Variants in GSS observed in about 807,000 individuals in gnomAD.
GSS encodes GSH synthetase.
A neutral mutation model predicts 60.4 loss-of-function variants in GSS; 34 were observed. The observed-to-expected ratio is 0.56, with a 90% CI of 0.43 to 0.75. The LOEUF (loss-of-function observed/expected upper bound fraction) is 0.75, where lower values mean the gene tolerates loss of function less well. GSS is among the 30% of genes least tolerant of loss of function. GSS has a pLI of 0.00. For synonymous variants in GSS, 224 were observed against 239.0 expected (o/e 0.94, Z 0.58); for missense variants, 499 against 595.1 (o/e 0.84, Z 1.68).
intron 6 of GSS, among the ~76,000 whole-genome samples, chr20:34,938,463 TGA>T (rs2081457871): frequency 6.6e-6 from 1 of 152,192 alleles, no homozygotes; most frequent in South Asian, 2.1e-4. Context: ...GTTGGGTGCC[TGA>T]GAGACAAACT....
intron 2 of GSS, among the ~76,000 whole-genome samples, chr20:34,948,815 T>C (rs951089821): frequency 6.6e-6 from 1 of 151,862 alleles, no homozygotes; most frequent in East Asian, 1.9e-4. Flanking sequence ...TTCTACTATT[T>C]AAAAAAACCT....
chr20:34,936,614 A>G, intron 8 of GSS, 149 bp downstream of exon 8: 1 of 797,600 alleles, frequency 1.3e-6, no homozygotes, highest in Non-Finnish European at 2.3e-6. Flanking sequence ...GCTTTCTCCA[A>G]AATTTCCTGG....
Position 34,942,599 on chromosome 20 carries a change from T to C in GSS, c.380A>G (p.Asp127Gly), listed in dbSNP as rs768129752. ...QTVFLGLNRS[D>G]YMFQRSADGS... Reference sequence around the variant, plus strand: ...ATCTGCGCTGCGCTGGAACATGTAGTCTGAGCGATTCAGGCCCAGGAACAC... The same window carrying C: ...ATCTGCGCTGCGCTGGAACATGTAGCCTGAGCGATTCAGGCCCAGGAACAC... Residue 127 changes from aspartate to glycine, a missense_variant, in exon 5 of 13, where the codon GAC becomes GGC. By Grantham distance (94) the Asp-to-Gly change is moderately conservative (BLOSUM62 -1). Transcript: ENST00000651619. 1 of 1,614,034 alleles carries C rather than the reference T, an allele frequency of 6.2e-7. No individual in the cohort carries two copies. Among genetic ancestry groups the C allele is most frequent in the Non-Finnish European group, 8.5e-7 (1 of 1,179,974 alleles).
chr20:34,939,417 A>C (rs981834801), intron 6 of GSS, among the ~76,000 whole-genome samples: 2 of 152,196 alleles, frequency 1.3e-5, no homozygotes, highest in African/African-American at 4.8e-5. Context: ...TTTAAAAATC[A>C]TGAGATAATT....
intron 1 of GSS, among the ~76,000 whole-genome samples, chr20:34,953,015 CA>C (rs1210185206): frequency 6.6e-6 from 1 of 152,152 alleles, no homozygotes; most frequent in Non-Finnish European, 1.5e-5. Context: ...ATCACATTAG[CA>C]AGATGGAAAT....
rs1436027622 is a variant in GSS, at chr20:34,932,854, T to C, written c.835-721A>G. ...TTTTTCCTATTTTTGTTTACTTTTT[T>C]TTTCTTTTGAGACGTGGGTCTTGCT... On this transcript the variant is annotated intron_variant, in intron 9 of 12. Transcript: ENST00000651619. 2.0e-5 allele frequency among the ~76,000 whole-genome samples: 3 copies of C among 152,148 alleles called. No homozygotes were observed. The East Asian group carries it at 5.8e-4, about 29-fold the overall frequency.
In GSS at chr20:34,946,053, T is replaced by C; in HGVS notation, c.175A>G (p.Ser59Gly). 1 of 1,613,770 alleles carries C rather than the reference T, an allele frequency of 6.2e-7. No homozygotes were observed. Among genetic ancestry groups the C allele is most frequent in the Non-Finnish European group, 8.5e-7 (1 of 1,179,704 alleles). ...GCATAGGCTTGCTCCAGCAGGGCAC[T>C]GGGGACCAGTGAGGGGAAGAGCGTG... ...PFTLFPSLVPSALLEQAYAVQ... is the reference protein window; with the variant it reads ...PFTLFPSLVPGALLEQAYAVQ... Residue 59 changes from serine (S) to glycine (G), a missense_variant, in exon 3 of 13, where the codon AGT becomes GGT. By Grantham distance (56) the Ser-to-Gly change is moderately conservative. Transcript: ENST00000651619.
At chr20:34,939,285 A>G (rs540784801) in intron 6 of GSS, among the ~76,000 whole-genome samples, 1 of 152,288 alleles carries the variant, frequency 6.6e-6, no homozygotes, top group South Asian at 2.1e-4. Flanking sequence ...ACAGTTCCCA[A>G]ACTTTTATCA....
intron 5 of GSS, among the ~76,000 whole-genome samples, chr20:34,942,086 G>A (rs942842145): frequency 6.6e-6 from 1 of 152,070 alleles, no homozygotes; most frequent in Non-Finnish European, 1.5e-5. Flanking sequence ...CAGTGAGCTG[G>A]AGCCCCTTAC....
rs1449287053 is a variant in GSS, at chr20:34,928,476, G to C, written c.*352C>G. Reference sequence around the variant, plus strand: ...TTATTTAAGGCAGAATTAGGGAAAGGCTATGCCCCTCCACTCCCCCTCCTC... The same window carrying C: ...TTATTTAAGGCAGAATTAGGGAAAGCCTATGCCCCTCCACTCCCCCTCCTC... On this transcript the variant is annotated 3_prime_UTR_variant, in exon 13 of 13. Transcript: ENST00000651619. The C allele has an allele frequency of 1.0e-5, 4 of 400,550 alleles. No individual in the cohort carries two copies. In the East Asian group the frequency reaches 2.1e-4, roughly 21 times the overall value. 24.8% of individuals were successfully genotyped at this position (400,550 alleles called of 1,614,324 possible).
intron 6 of GSS, among the ~76,000 whole-genome samples, chr20:34,940,463 C>T (rs1003831516): frequency 1.3e-5 from 2 of 152,130 alleles, no homozygotes; most frequent in South Asian, 2.1e-4. Flanking sequence ...CAGAGAGGCT[C>T]CCTTGGAGGT....
chr20:34,938,292 A>G (rs1024910419), intron 6 of GSS, among the ~76,000 whole-genome samples: 1 of 152,086 alleles, frequency 6.6e-6, no homozygotes, highest in African/African-American at 2.4e-5. Context: ...TCTCTTGTCT[A>G]TCTCTGCTTC....
chr20:34,941,806 T>G lies in GSS; in HGVS notation c.515A>C (p.Lys172Thr). ...GAGGATCTTGCCAGCTTCTTTGGTC[T>G]TACTCAGGACACTGAGAACATGTCT... ...VHRHVLSVLS[K>T]TKEAGKILSN... The change falls in exon 6 of 13, where the codon AAG (lysine) becomes ACG (threonine). Residue 172 changes from lysine to threonine, a missense_variant. By Grantham distance (78) the Lys-to-Thr change is moderately conservative. Transcript: ENST00000651619. The G allele has an allele frequency of 6.2e-7, 1 of 1,607,380 alleles. No individual in the cohort carries two copies. Among genetic ancestry groups the G allele is most frequent in the Non-Finnish European group, 8.5e-7 (1 of 1,175,412 alleles).
At chr20:34,931,499 A>C in intron 10 of GSS, 82 bp from the exon 11 acceptor site, 1 of 1,089,912 alleles carries the variant, frequency 9.2e-7, no homozygotes, top group Non-Finnish European at 1.4e-6. Flanking sequence ...TATGCAGAGC[A>C]GCATCAGAGG....
chr20:34,951,854 C>A lies in GSS; in HGVS notation c.-2G>T, dbSNP rs1417898547. 1 of 1,614,092 alleles carries A rather than the reference C, an allele frequency of 6.2e-7. No homozygotes were observed. Among genetic ancestry groups the A allele is most frequent in the African/African-American group, 1.3e-5 (1 of 75,058 alleles). The stretch of plus-strand genomic sequence containing the variant: ...GAGGCTCCCCCAGTTGGTGGCCATC[C>A]CAACACCTGCAAAAGATGGAGAGAA... On this transcript the variant is annotated 5_prime_UTR_variant, in exon 2 of 13. Transcript: ENST00000651619.
intron 2 of GSS, among the ~76,000 whole-genome samples, chr20:34,950,426 A>C (rs1218072897): frequency 6.6e-6 from 1 of 151,982 alleles, no homozygotes; most frequent in African/African-American, 2.4e-5. Context: ...CTCTTTAGTC[A>C]CCAATATGGT....
chr20:34,951,870 A>T lies in GSS; in HGVS notation c.-8-10T>A. ...GTGGCCATCCCAACACCTGCAAAAGATGGAGAGAAGAGAGTTGGTAACAGA... is the reference window on the plus strand; with the variant it reads ...GTGGCCATCCCAACACCTGCAAAAGTTGGAGAGAAGAGAGTTGGTAACAGA... On this transcript the variant is annotated splice_polypyrimidine_tract_variant and intron_variant, in intron 1 of 12. Transcript: ENST00000651619. 2 of 1,613,678 alleles carry T rather than the reference A, an allele frequency of 1.2e-6. No homozygotes were observed. The highest frequency in any genetic ancestry group is 1.3e-5 in the African/African-American group (1 of 75,038).
chr20:34,945,819 A>G, intron 3 of GSS, 134 bp downstream of exon 3: 1 of 915,050 alleles, frequency 1.1e-6, no homozygotes, highest in Non-Finnish European at 1.7e-6. Context: ...GACTCCTATG[A>G]CTTTTTGTTC....
intron 11 of GSS, 76 bp from the exon 12 acceptor site, chr20:34,929,666 A>G (rs561060639): frequency 1.5e-6 from 2 of 1,308,126 alleles, no homozygotes; most frequent in South Asian, 2.4e-5. Context: ...TTGGGGCCAC[A>G]TGGGCAAGTC....
Sources: gnomAD v4.1 joint callset for allele counts (sites outside exome capture counted in the v4.1 genomes callset) on GRCh38, gnomAD v4.1.1 for gene constraint, MANE v1.5 for transcripts, NCBI Gene and HGNC (gene_info 2026-07-23, HGNC 2026-07-21) for gene names.